Variants in C16orf87 observed in about 807,000 individuals in gnomAD.
C16orf87 encodes UPF0547 protein C16orf87.
A neutral mutation model predicts 21.0 loss-of-function variants in C16orf87; 13 were observed. The observed-to-expected ratio is 0.62, with a 90% CI of 0.40 to 0.98. C16orf87 has a LOEUF of 0.98. Among genes scored for constraint, C16orf87 ranks in the 50% least tolerant of loss-of-function variants. C16orf87 has a pLI of 0.00. For missense variants in C16orf87, 113 were observed against 180.4 expected (o/e 0.63, Z 2.14); for synonymous variants, 49 against 60.2 (o/e 0.81, Z 0.86).
chr16:46,814,858 G>A (rs752157839), intron 2 of C16orf87, among the ~76,000 whole-genome samples: 4 of 152,082 alleles, frequency 2.6e-5, no homozygotes, highest in Non-Finnish European at 5.9e-5. Flanking sequence ...GATTATTTTT[G>A]CAGAAACAGA....
At position 46,796,649 on chromosome 16, in the gene C16orf87, T is replaced by A. The variant is rs1383725551; in HGVS notation, c.*6303A>T. The stretch of plus-strand genomic sequence containing the variant: ...CTTTAGACATCCTACAATGTGAACA[T>A]ACATATTGAAACATCATGCTGCATA... On this transcript the variant is annotated 3_prime_UTR_variant, in exon 4 of 4. Coordinates refer to ENST00000285697, the MANE Select transcript of C16orf87 (RefSeq NM_001001436.4). 1.3e-5 allele frequency: 2 copies of A among 152,202 alleles called. No individual in the cohort carries two copies. The highest frequency in any genetic ancestry group is 2.9e-5 in the Non-Finnish European group (2 of 68,044). The allele number at this position is 152,202 out of a possible 1,614,324, so 9.4% of individuals were successfully genotyped here. A position where few individuals can be genotyped will look rare whatever the true frequency, so the allele number is the denominator to read the frequency against.
Position 46,798,831 on chromosome 16 carries a change from A to C in C16orf87, c.*4121T>G, listed in dbSNP as rs1389120385. 1 of 152,190 alleles carries C rather than the reference A, an allele frequency of 6.6e-6. No homozygotes were observed. The highest frequency in any genetic ancestry group is 1.5e-5 in the Non-Finnish European group (1 of 68,048). The allele number at this position is 152,190 out of a possible 1,614,324, so 9.4% of individuals were successfully genotyped here. ...AAAAAGGTCCTATCAATTATGCAGA[A>C]AAAGCATCTGACAAAATTCAACATC... On this transcript the variant is annotated 3_prime_UTR_variant, in exon 4 of 4. Transcript: ENST00000285697.
intron 3 of C16orf87, among the ~76,000 whole-genome samples, chr16:46,803,866 C>A (rs1471842675): frequency 1.3e-5 from 2 of 151,952 alleles, no homozygotes; most frequent in African/African-American, 4.8e-5. Context: ...CAAGATGCTA[C>A]TTCAGGGTTT....
At chr16:46,827,196 T>C (rs1373869507) in intron 1 of C16orf87, among the ~76,000 whole-genome samples, 1 of 152,144 alleles carries the variant, frequency 6.6e-6, no homozygotes, top group Non-Finnish European at 1.5e-5. Flanking sequence ...CATTCTATAG[T>C]CCTATTTAAA....
chr16:46,806,738 T>C (rs760273075), intron 3 of C16orf87, among the ~76,000 whole-genome samples: 3 of 152,248 alleles, frequency 2.0e-5, no homozygotes, highest in Non-Finnish European at 2.9e-5. Flanking sequence ...AGATATATTA[T>C]TATGATGATG....
Position 46,801,790 on chromosome 16 carries a change from T to C in C16orf87, c.*1162A>G, listed in dbSNP as rs897256080. 7 of 152,202 alleles carry C rather than the reference T, an allele frequency of 4.6e-5. No individual in the cohort carries two copies. The highest frequency in any genetic ancestry group is 7.3e-5 in the Non-Finnish European group (5 of 68,028). The allele number at this position is 152,202 out of a possible 1,614,324, so 9.4% of individuals were successfully genotyped here. A position where few individuals can be genotyped will look rare whatever the true frequency, so the allele number is the denominator to read the frequency against. On this transcript the variant is annotated 3_prime_UTR_variant, in exon 4 of 4. Coordinates refer to ENST00000285697, the MANE Select transcript of C16orf87 (RefSeq NM_001001436.4). Reference sequence around the variant, plus strand: ...GATTCTCTTAAAAGGGGGCTAAATCTAACTGATGACTATCTTCTGTAAGAA... The same window carrying C: ...GATTCTCTTAAAAGGGGGCTAAATCCAACTGATGACTATCTTCTGTAAGAA...
At chr16:46,824,809 G>C (rs990750945) in intron 1 of C16orf87, among the ~76,000 whole-genome samples, 27 of 151,954 alleles carry the variant, frequency 1.8e-4, no homozygotes, top group African/African-American at 5.8e-4. Flanking sequence ...GGGACTACAG[G>C]CACACGCTAC....
chr16:46,827,878 C>T (rs1313237704), intron 1 of C16orf87, among the ~76,000 whole-genome samples: 1 of 150,528 alleles, frequency 6.6e-6, no homozygotes, highest in Non-Finnish European at 1.5e-5. Context: ...CCACCATGCC[C>T]AGCCTGGATT....
chr16:46,808,989 T>A (rs182780219), intron 3 of C16orf87, among the ~76,000 whole-genome samples: 1 of 147,296 alleles, frequency 6.8e-6, no homozygotes, highest in African/African-American at 2.5e-5. Context: ...TGAAGTAGTC[T>A]TAACAGAACT....
At chr16:46,812,218 T>C (rs887700307) in intron 2 of C16orf87, among the ~76,000 whole-genome samples, 3 of 152,118 alleles carry the variant, frequency 2.0e-5, no homozygotes, top group Non-Finnish European at 4.4e-5. Flanking sequence ...CACTCCAGCC[T>C]GGGTGACAGA....
chr16:46,803,232 A>T (rs1482678391), intron 3 of C16orf87, among the ~76,000 whole-genome samples, 162 bp from the exon 4 acceptor site: 3 of 152,340 alleles, frequency 2.0e-5, no homozygotes, highest in African/African-American at 7.2e-5. Flanking sequence ...TTTTTAAATT[A>T]TACAAAGGAG....
rs1967805467 is a variant in C16orf87, at chr16:46,802,490, CT to C, written c.*461del. 6.6e-6 allele frequency: 1 copy of C among 152,538 alleles called. No homozygotes were observed. The highest frequency in any genetic ancestry group is 2.1e-4 in the South Asian group (1 of 4,830). 9.4% of individuals were successfully genotyped at this position (152,538 alleles called of 1,614,324 possible). A position where few individuals can be genotyped will look rare whatever the true frequency, so the allele number is the denominator to read the frequency against. On this transcript the variant is annotated 3_prime_UTR_variant, in exon 4 of 4. Coordinates refer to ENST00000285697, the MANE Select transcript of C16orf87 (RefSeq NM_001001436.4). ...TGCCAATTTAATAAAAGTAAATGAACTGTATATATGCAATCTGTTAGCACTG... is the reference window on the plus strand; with the variant it reads ...TGCCAATTTAATAAAAGTAAATGAACGTATATATGCAATCTGTTAGCACTG...
intron 2 of C16orf87, among the ~76,000 whole-genome samples, chr16:46,813,478 T>TAAAA (rs35686982): frequency 1.5e-5 from 2 of 137,448 alleles, no homozygotes; most frequent in Non-Finnish European, 3.1e-5. Context: ...AATATTATCT[T>TAAAA]AAAAAAAAAA....
At chr16:46,812,243 CAATAAATA>C (rs575742837) in intron 2 of C16orf87, among the ~76,000 whole-genome samples, 6 of 151,582 alleles carry the variant, frequency 4.0e-5, no homozygotes, top group South Asian at 2.1e-4. Context: ...GACTCTGTCT[CAATAAATA>C]AATAAATAAA....
chr16:46,799,508 T>C lies in C16orf87; in HGVS notation c.*3444A>G, dbSNP rs1404451656. ...AAAATGCTTTTAACTAGCAAGAATA[T>C]AAGGCATCAAACCAAACTAGAAGGT... On this transcript the variant is annotated 3_prime_UTR_variant, in exon 4 of 4. Transcript: ENST00000285697. 6.6e-6 allele frequency: 1 copy of C among 152,116 alleles called. No individual in the cohort carries two copies. 9.4% of individuals were successfully genotyped at this position (152,116 alleles called of 1,614,324 possible).
chr16:46,817,744 A>T (rs143042498), intron 2 of C16orf87, among the ~76,000 whole-genome samples: 1 of 152,134 alleles, frequency 6.6e-6, no homozygotes, highest in East Asian at 1.9e-4. Flanking sequence ...AATGGAAAGA[A>T]ATCCTAGTAC....
intron 1 of C16orf87, among the ~76,000 whole-genome samples, chr16:46,830,307 A>G (rs1628274): frequency 9.2e-6 from 1 of 109,142 alleles, no homozygotes; most frequent in African/African-American, 3.6e-5. Context: ...AGAGAGAGAG[A>G]GACACACAGA....
At chr16:46,823,573 T>C (rs141299932) in intron 2 of C16orf87, among the ~76,000 whole-genome samples, 2 of 152,200 alleles carry the variant, frequency 1.3e-5, no homozygotes, top group East Asian at 3.9e-4. Flanking sequence ...CTGTAAAACA[T>C]AGTCAACATG....
intron 2 of C16orf87, among the ~76,000 whole-genome samples, chr16:46,819,109 G>C (rs2143130493): frequency 6.6e-6 from 1 of 152,164 alleles, no homozygotes; most frequent in East Asian, 1.9e-4. Context: ...TATGCTCCAA[G>C]CCCACTCCCA....
Sources: allele counts gnomAD v4.1 joint callset (sites outside exome capture counted in the v4.1 genomes callset), GRCh38; gene constraint gnomAD v4.1.1; transcripts MANE v1.5; gene names NCBI Gene and HGNC (gene_info 2026-07-23, HGNC 2026-07-21).